The following ZIM2 variants were observed in gnomAD, a reference collection of about 807,000 sequenced individuals.
ZIM2 encodes zinc finger protein 656.
In ZIM2, 14 loss-of-function variants were observed where a neutral mutation model predicts 38.6. That is an observed-to-expected ratio of 0.36 (90% CI 0.24 to 0.57). The LOEUF is 0.57. Among genes scored for constraint, ZIM2 ranks in the 20% least tolerant of loss-of-function variants. The pLI is 0.81. For synonymous variants in ZIM2, 247 were observed against 245.8 expected, an observed-to-expected ratio of 1.00 and a Z score of -0.04; for missense variants, 680 against 695.1, an observed-to-expected ratio of 0.98 and a Z score of 0.24.
chr19:56,816,010 T>A (rs368187047), intron 9 of ZIM2: 1 of 1,589,572 alleles, frequency 6.3e-7, no homozygotes, highest in Non-Finnish European at 8.6e-7. Context: ...GTTGATAGCA[T>A]CGAAGCTCTG....
chr19:56,789,752 G>T (rs1300725683), intron 10 of ZIM2, 120 bp downstream of exon 10: 2 of 869,366 alleles, frequency 2.3e-6, no homozygotes, highest in East Asian at 3.0e-5. Flanking sequence ...TCAGTAAAGT[G>T]ATATTTATAT....
intron 9 of ZIM2, chr19:56,816,055 G>C (rs2059948994): frequency 6.3e-7 from 1 of 1,599,386 alleles, no homozygotes; most frequent in East Asian, 2.2e-5. Flanking sequence ...TGGTTTACTG[G>C]GCCCTGCTAC....
chr19:56,776,100 C>CAAAA (rs56776253), intron 12 of ZIM2, among the ~76,000 whole-genome samples: 10 of 106,740 alleles, frequency 9.4e-5, no homozygotes, highest in African/African-American at 2.5e-4. Flanking sequence ...GACTCTGTCT[C>CAAAA]AAAAAAAAAA....
chr19:56,831,255 A>G (rs1375050653), intron 2 of ZIM2, among the ~76,000 whole-genome samples: 1 of 152,248 alleles, frequency 6.6e-6, no homozygotes, highest in Non-Finnish European at 1.5e-5. Flanking sequence ...AGAGTCCAGA[A>G]TTCAACTGTG....
intron 10 of ZIM2, among the ~76,000 whole-genome samples, 159 bp downstream of exon 10, chr19:56,789,713 G>C (rs1002430897): frequency 2.6e-5 from 4 of 152,008 alleles, no homozygotes; most frequent in African/African-American, 9.7e-5. Context: ...AGAATCATAA[G>C]CAAATGTCAG....
chr19:56,824,468 G>A (rs1196983153), intron 3 of ZIM2, 41 bp from the exon 4 acceptor site: 1 of 1,614,062 alleles, frequency 6.2e-7, no homozygotes, highest in Non-Finnish European at 8.5e-7. Flanking sequence ...TTTGATCAGG[G>A]TCTTCCGAGG....
Position 56,814,813 on chromosome 19 carries a change from C to T in ZIM2, c.490+2933G>A. 6.2e-7 allele frequency: 1 copy of T among 1,614,220 alleles called. No homozygotes were observed. Among genetic ancestry groups the T allele is most frequent in the Non-Finnish European group, 8.5e-7 (1 of 1,180,050 alleles). On this transcript the variant is annotated intron_variant, in intron 9 of 12. Coordinates refer to ENST00000629319, the MANE Select transcript of ZIM2 (RefSeq NM_001387356.1). The surrounding 1 kb of genome is among the most constrained non-coding windows in gnomAD (Gnocchi z 5.8). Reference sequence around the variant, plus strand: ...AGGATTCCTCTCTGCAGCACGATTCCTCCGTGGCTTCATGGGCAAGAGGGC... The same window carrying T: ...AGGATTCCTCTCTGCAGCACGATTCTTCCGTGGCTTCATGGGCAAGAGGGC...
chr19:56,793,253 T>G (rs1175253819), intron 9 of ZIM2: 1 of 152,724 alleles, frequency 6.5e-6, no homozygotes, highest in East Asian at 1.9e-4. Context: ...TCCCCAAACT[T>G]TTGATGAGAA....
At chr19:56,797,828 T>C (rs1382197882) in intron 9 of ZIM2, among the ~76,000 whole-genome samples, 2 of 152,312 alleles carry the variant, frequency 1.3e-5, no homozygotes, top group African/African-American at 4.8e-5. Flanking sequence ...GTGCCAGTGA[T>C]GCCCACTAGC....
chr19:56,817,178 T>G, intron 9 of ZIM2: 1 of 1,614,214 alleles, frequency 6.2e-7, no homozygotes. Flanking sequence ...GCTTTTCTCA[T>G]CTCACTACCA....
At chr19:56,821,841 T>G (rs1482393975) in intron 6 of ZIM2, 87 bp from the exon 7 acceptor site, 4 of 1,446,574 alleles carry the variant, frequency 2.8e-6, no homozygotes, top group Non-Finnish European at 3.9e-6. Context: ...TGAAGCCAGC[T>G]GGGGTGTGAG....
chr19:56,832,556 C>T (rs1462527590), intron 2 of ZIM2, among the ~76,000 whole-genome samples: 4 of 152,240 alleles, frequency 2.6e-5, no homozygotes, highest in South Asian at 2.1e-4. Flanking sequence ...TCTCCCTCTG[C>T]TCTCTCTTCA....
rs141176722 is a variant in ZIM2, at chr19:56,814,001, C to T, written c.490+3745G>A. The T allele has an allele frequency of 5.9e-5, 96 of 1,614,040 alleles. 1 individual carries two copies. Among genetic ancestry groups the T allele is most frequent in the Non-Finnish European group, 7.6e-5 (90 of 1,180,006 alleles). ...TCTTCAATTCCCACACCGTCAGGCT[C>T]GTCGGCATCTCCCTCTGGCTCTTCA... is the stretch of plus-strand genomic sequence containing the variant. On this transcript the variant is annotated intron_variant, in intron 9 of 12. Transcript: ENST00000629319. The surrounding 1 kb of genome is among the most constrained non-coding windows in gnomAD (Gnocchi z 5.8).
At chr19:56,825,893 C>A (rs2060977897) in intron 3 of ZIM2, among the ~76,000 whole-genome samples, 1 of 152,174 alleles carries the variant, frequency 6.6e-6, no homozygotes, top group African/African-American at 2.4e-5. Flanking sequence ...ACTTGCAAAT[C>A]AATGTGGTAA....
chr19:56,806,675 C>A (rs1182941950), intron 9 of ZIM2, among the ~76,000 whole-genome samples: 1 of 152,192 alleles, frequency 6.6e-6, no homozygotes, highest in Non-Finnish European at 1.5e-5. Context: ...TGTGTCCCCA[C>A]AAAACTCATA....
chr19:56,811,644 A>G, intron 9 of ZIM2: 2 of 983,020 alleles, frequency 2.0e-6, no homozygotes, highest in Non-Finnish European at 2.4e-6. Context: ...CACAAAGTTC[A>G]CCCCGACATC....
At chr19:56,811,568 T>TTG in intron 9 of ZIM2, 1 of 985,350 alleles carries the variant, frequency 1.0e-6, no homozygotes, top group Non-Finnish European at 1.2e-6. Context: ...ACACCCTGAC[T>TTG]TACAGCAAGT....
intron 7 of ZIM2, among the ~76,000 whole-genome samples, chr19:56,821,240 G>A (rs2060456881): frequency 6.6e-6 from 1 of 152,228 alleles, no homozygotes; most frequent in African/African-American, 2.4e-5. Flanking sequence ...GCAAGTGGCA[G>A]AGCCAGGCTT....
At chr19:56,824,146 C>A in intron 4 of ZIM2, 116 bp downstream of exon 4, 2 of 1,486,384 alleles carry the variant, frequency 1.3e-6, no homozygotes, top group Non-Finnish European at 1.8e-6. Flanking sequence ...ACATCCCCAC[C>A]GCTGCCCAGG....
Sources: gnomAD v4.1 joint callset for allele counts (sites outside exome capture counted in the v4.1 genomes callset) on GRCh38, gnomAD v4.1.1 for gene constraint, Gnocchi (gnomAD v3.1) non-coding constraint, MANE v1.5 for transcripts, NCBI Gene and HGNC (gene_info 2026-07-23, HGNC 2026-07-21) for gene names.